PTPRD: variants seen among roughly 807,000 people sequenced by gnomAD.
PTPRD encodes the protein receptor-type tyrosine-protein phosphatase delta.
A neutral mutation model predicts 214.5 loss-of-function variants in PTPRD; 34 were observed. The observed-to-expected ratio is 0.16, with a 90% CI of 0.12 to 0.21. The LOEUF (loss-of-function observed/expected upper bound fraction) is 0.21. Ranked by LOEUF, PTPRD falls within the 10% of genes least tolerant of loss-of-function variation. PTPRD has a pLI of 1.00. For synonymous variants in PTPRD, 1,128 were observed against 845.7 expected (o/e 1.33, Z -5.79); for missense variants, 2,545 against 2,398.7 (o/e 1.06, Z -1.27).
At chr9:10,132,155 T>C (rs1564016516) in intron 3 of PTPRD, among the ~76,000 whole-genome samples, 2 of 152,154 alleles carry the variant, frequency 1.3e-5, no homozygotes, top group Non-Finnish European at 2.9e-5. Context: ...ATTGGGTAAT[T>C]TGTGATCTTT....
intron 14 of PTPRD, among the ~76,000 whole-genome samples, chr9:8,537,985 G>A (rs10815909): frequency 3.3e-5 from 5 of 151,700 alleles, no homozygotes; most frequent in South Asian, 2.1e-4. Context: ...TCAAATAAAC[G>A]CATTGAGAAA....
intron 22 of PTPRD, among the ~76,000 whole-genome samples, chr9:8,505,834 T>G (rs2097533935): frequency 6.6e-6 from 1 of 152,134 alleles, no homozygotes; most frequent in African/African-American, 2.4e-5. Flanking sequence ...TCTCCTTTAC[T>G]CTTTGTATAT....
intron 2 of PTPRD, among the ~76,000 whole-genome samples, chr9:10,550,321 G>T (rs1477682647): frequency 2.0e-5 from 3 of 152,106 alleles, no homozygotes; most frequent in Non-Finnish European, 4.4e-5. Flanking sequence ...GTACAGGTTT[G>T]CTACATGGGT....
intron 11 of PTPRD, among the ~76,000 whole-genome samples, chr9:8,889,583 C>T (rs2098520430): frequency 6.6e-6 from 1 of 152,100 alleles, no homozygotes. Context: ...GTACACTGTG[C>T]TCAATGTGTA....
At chr9:10,572,072 G>T (rs1471341222) in intron 2 of PTPRD, among the ~76,000 whole-genome samples, 1 of 152,102 alleles carries the variant, frequency 6.6e-6, no homozygotes, top group Non-Finnish European at 1.5e-5. Context: ...CATAGAAACA[G>T]TGACAGGAAA....
At chr9:9,942,467 C>T (rs1223639657) in intron 4 of PTPRD, among the ~76,000 whole-genome samples, 1 of 152,104 alleles carries the variant, frequency 6.6e-6, no homozygotes, top group Non-Finnish European at 1.5e-5. Flanking sequence ...ATTTATGCAT[C>T]AATTTGTATA....
At chr9:9,569,272 C>T (rs1430199314) in intron 8 of PTPRD, among the ~76,000 whole-genome samples, 3 of 148,750 alleles carry the variant, frequency 2.0e-5, no homozygotes, top group African/African-American at 7.5e-5. Context: ...TTCTACAGAG[C>T]AGAGGGGAAA....
chr9:8,580,697 G>C (rs2154250885), intron 14 of PTPRD, among the ~76,000 whole-genome samples: 1 of 152,234 alleles, frequency 6.6e-6, no homozygotes, highest in East Asian at 1.9e-4. Flanking sequence ...CTAATTGGTG[G>C]TAGGACCATT....
chr9:9,756,511 C>T (rs535725369), intron 6 of PTPRD, among the ~76,000 whole-genome samples: 2 of 152,140 alleles, frequency 1.3e-5, no homozygotes, highest in South Asian at 2.1e-4. Context: ...GGAAACTGAG[C>T]CTCAAAGAGG....
Position 9,894,384 on chromosome 9 carries a change from C to T in PTPRD, c.-368+44123G>A, listed in dbSNP as rs80064430. On this transcript the variant is annotated intron_variant, in intron 5 of 45. Coordinates refer to ENST00000381196, the MANE Select transcript of PTPRD (RefSeq NM_002839.4). ...AGGCCCTGTGTGATCTTTCTACTAC[C>T]TCTCTCAAGGCTCATTGTCTCTACA... Among the ~76,000 whole-genome samples, 989 of 152,192 alleles carry T rather than the reference C, an allele frequency of 6.5e-3. 14 individuals are homozygous for T. Among genetic ancestry groups the T allele is most frequent in the African/African-American group, 0.023 (958 of 41,546 alleles).
intron 3 of PTPRD, among the ~76,000 whole-genome samples, chr9:10,114,270 C>T (rs1291920680): frequency 2.0e-5 from 3 of 152,096 alleles, no homozygotes; most frequent in Non-Finnish European, 2.9e-5. Context: ...AAGCAAATAA[C>T]AGCTGAGCCA....
chr9:9,777,272 G>C (rs1162842398), intron 5 of PTPRD, among the ~76,000 whole-genome samples: 2 of 151,300 alleles, frequency 1.3e-5, no homozygotes, highest in Non-Finnish European at 2.9e-5. Flanking sequence ...TAAATATCTG[G>C]TACCACTTTC....
chr9:9,715,549 A>G (rs1048452960), intron 7 of PTPRD, among the ~76,000 whole-genome samples: 2 of 152,214 alleles, frequency 1.3e-5, no homozygotes, highest in African/African-American at 2.4e-5. Context: ...AAATCAGAGA[A>G]CAAACACCTG....
intron 8 of PTPRD, among the ~76,000 whole-genome samples, chr9:9,569,553 T>A (rs1010131544): frequency 6.9e-6 from 1 of 144,336 alleles, no homozygotes; most frequent in East Asian, 1.9e-4. Context: ...TCTAAAGCTC[T>A]TTTTTTTTCC....
intron 9 of PTPRD, among the ~76,000 whole-genome samples, chr9:9,294,478 T>C (rs1952313472): frequency 6.6e-6 from 1 of 151,690 alleles, no homozygotes; most frequent in African/African-American, 2.4e-5. Context: ...TGTAGGGATG[T>C]ATTTGGACGT....
chr9:9,214,016 A>C (rs925511049), intron 9 of PTPRD, among the ~76,000 whole-genome samples: 14 of 152,222 alleles, frequency 9.2e-5, no homozygotes, highest in African/African-American at 3.1e-4. Flanking sequence ...TTGGTGGAAC[A>C]ACAGATAAAT....
At chr9:10,300,498 G>A (rs1215120759) in intron 3 of PTPRD, among the ~76,000 whole-genome samples, 2 of 152,224 alleles carry the variant, frequency 1.3e-5, no homozygotes, top group Non-Finnish European at 2.9e-5. Flanking sequence ...CCGGAGCCCA[G>A]CAAGCTAAGA....
intron 8 of PTPRD, among the ~76,000 whole-genome samples, chr9:9,500,764 T>C (rs2096385879): frequency 6.6e-6 from 1 of 152,122 alleles, no homozygotes; most frequent in Non-Finnish European, 1.5e-5. Context: ...TCTTAGTTTC[T>C]TAAAAGACAG....
chr9:9,980,267 T>A (rs1044416409), intron 4 of PTPRD, among the ~76,000 whole-genome samples: 1 of 152,014 alleles, frequency 6.6e-6, no homozygotes, highest in South Asian at 2.1e-4. Context: ...ATAAATCATA[T>A]ATATACTTGT....
Sources: gnomAD v4.1 joint callset for allele counts (sites outside exome capture counted in the v4.1 genomes callset) on GRCh38, gnomAD v4.1.1 for gene constraint, MANE v1.5 for transcripts, NCBI Gene and HGNC (gene_info 2026-07-23, HGNC 2026-07-21) for gene names.